Variants in SMG6 observed in about 807,000 individuals in gnomAD.
SMG6 encodes the protein telomerase-binding protein EST1A.
In SMG6, 66 loss-of-function variants were observed where a neutral mutation model predicts 142.2. That is an observed-to-expected ratio of 0.46 (90% CI 0.38 to 0.57). SMG6 has a LOEUF of 0.57. Among genes scored for constraint, SMG6 ranks in the 20% least tolerant of loss-of-function variants. The probability of loss-of-function intolerance (pLI) is 0.00; values close to 1 mark genes in which losing one functional copy is unlikely to be tolerated. For synonymous variants in SMG6, 779 were observed against 702.4 expected (o/e 1.11, Z -1.72); for missense variants, 1,793 against 1,832.0 (o/e 0.98, Z 0.39).
chr17:2,246,355 C>G (rs1313107232), intron 8 of SMG6, among the ~76,000 whole-genome samples: 1 of 152,208 alleles, frequency 6.6e-6, no homozygotes, highest in Non-Finnish European at 1.5e-5. Context: ...AGTCCAGTAT[C>G]GCTGGGCAGT....
Position 2,251,830 on chromosome 17 carries a change from A to T in SMG6, c.2662-7111T>A, listed in dbSNP as rs140124037. The stretch of plus-strand genomic sequence containing the variant: ...ATAAAGAAAAGAAGGGGCCAGGCAC[A>T]GTGGCTCATGCCTGTAATCCCAGCA... On this transcript the variant is annotated intron_variant, in intron 8 of 18. Transcript: ENST00000263073. Among the ~76,000 whole-genome samples, 404 of 152,064 alleles carry T rather than the reference A, an allele frequency of 2.7e-3. 1 individual carries two copies. Among genetic ancestry groups the T allele is most frequent in the African/African-American group, 8.7e-3 (362 of 41,484 alleles).
chr17:2,145,639 T>A (rs1597465713), intron 13 of SMG6, among the ~76,000 whole-genome samples: 4 of 35,352 alleles, frequency 1.1e-4, no homozygotes, highest in African/African-American at 1.7e-4. Flanking sequence ...AGGCTCCATC[T>A]CCCCAAAAAA....
intron 12 of SMG6, among the ~76,000 whole-genome samples, chr17:2,175,390 ACCCACGG>A (rs2071627132): frequency 6.6e-6 from 1 of 151,894 alleles, no homozygotes. Flanking sequence ...GCCGAAAATT[ACCCACGG>A]CTGCCACAGT....
chr17:2,201,261 A>C (rs759185865), intron 10 of SMG6, among the ~76,000 whole-genome samples: 1 of 152,208 alleles, frequency 6.6e-6, no homozygotes, highest in African/African-American at 2.4e-5. Context: ...AACATTACTA[A>C]TCATTAGGGA....
At chr17:2,122,607 A>G (rs551950842) in intron 13 of SMG6, 1 of 152,364 alleles carries the variant, frequency 6.6e-6, no homozygotes, top group South Asian at 2.1e-4. Context: ...ATGTAAATCT[A>G]GCTCTGGCAG....
intron 10 of SMG6, among the ~76,000 whole-genome samples, chr17:2,194,795 G>T (rs2072273178): frequency 6.6e-6 from 1 of 152,114 alleles, no homozygotes; most frequent in South Asian, 2.1e-4. Context: ...TGCTGGAGCA[G>T]GTCAAAGACT....
At chr17:2,137,964 G>C (rs1356741300) in intron 13 of SMG6, among the ~76,000 whole-genome samples, 2 of 152,084 alleles carry the variant, frequency 1.3e-5, no homozygotes, top group Admixed American at 1.3e-4. Flanking sequence ...CACCACACTA[G>C]ACACTTGGGG....
chr17:2,061,926 A>AGCAGCC, intron 18 of SMG6: 1 of 309,306 alleles, frequency 3.2e-6, no homozygotes, highest in Non-Finnish European at 6.3e-6. Context: ...AGGGAATAGA[A>AGCAGCC]GCAGCCCCTT....
chr17:2,128,308 C>A (rs1293745286), intron 13 of SMG6, among the ~76,000 whole-genome samples: 2 of 152,138 alleles, frequency 1.3e-5, no homozygotes, highest in Non-Finnish European at 2.9e-5. Context: ...GTATATTTTA[C>A]CACAATTAAA....
chr17:2,168,022 C>T (rs2071393405), intron 13 of SMG6, among the ~76,000 whole-genome samples: 1 of 152,028 alleles, frequency 6.6e-6, no homozygotes, highest in South Asian at 2.1e-4. Context: ...CGCTTGCCAC[C>T]ACACCTGGCT....
intron 5 of SMG6, 37 bp downstream of exon 5, chr17:2,292,834 A>T: frequency 6.4e-7 from 1 of 1,572,822 alleles, no homozygotes; most frequent in Non-Finnish European, 8.8e-7. Flanking sequence ...TTAGAGCCAC[A>T]TAGGGAAGAG....
intron 13 of SMG6, among the ~76,000 whole-genome samples, chr17:2,169,140 G>A (rs1449188146): frequency 1.3e-5 from 2 of 151,508 alleles, no homozygotes; most frequent in African/African-American, 4.8e-5. Context: ...TCATGGTGGC[G>A]TGCCTGTAAT....
chr17:2,193,972 A>G (rs903472202), intron 10 of SMG6, among the ~76,000 whole-genome samples: 1 of 152,202 alleles, frequency 6.6e-6, no homozygotes, highest in African/African-American at 2.4e-5. Context: ...CTGGGATTAG[A>G]GGCACGCACA....
At chr17:2,208,845 AAAT>A (rs1293267211) in intron 10 of SMG6, among the ~76,000 whole-genome samples, 1 of 152,198 alleles carries the variant, frequency 6.6e-6, no homozygotes, top group Non-Finnish European at 1.5e-5. Flanking sequence ...AAAACCACTA[AAAT>A]TATGGTACAC....
intron 9 of SMG6, among the ~76,000 whole-genome samples, chr17:2,240,392 T>C (rs187777876): frequency 1.8e-4 from 28 of 152,058 alleles, no homozygotes; most frequent in Admixed American, 1.7e-3. Flanking sequence ...TTTCTCAACC[T>C]CTTATTTTTA....
intron 8 of SMG6, among the ~76,000 whole-genome samples, chr17:2,269,212 T>C (rs1597749378): frequency 1.9e-4 from 16 of 84,564 alleles, no homozygotes; most frequent in East Asian, 3.2e-4. Context: ...AGAGCCAGAC[T>C]CCATCTCAAA....
chr17:2,061,378 T>G lies in SMG6; in HGVS notation c.*114A>C. The G allele has an allele frequency of 1.0e-5, 11 of 1,049,678 alleles. No homozygotes were observed. Among genetic ancestry groups the G allele is most frequent in the Non-Finnish European group, 1.4e-5 (10 of 732,530 alleles). The allele number at this position is 1,049,678 out of a possible 1,614,324, so 65.0% of individuals were successfully genotyped here. A position where few individuals can be genotyped will look rare whatever the true frequency, so the allele number is the denominator to read the frequency against. ...GTGGCGTGGGTTGGAAGAGGATGGT[T>G]TATTGTCTGGGTGGATTGGTGGCTC... On this transcript the variant is annotated 3_prime_UTR_variant, in exon 19 of 19. Transcript: ENST00000263073.
intron 12 of SMG6, among the ~76,000 whole-genome samples, chr17:2,177,415 A>T (rs947259510): frequency 6.6e-6 from 1 of 152,108 alleles, no homozygotes; most frequent in Non-Finnish European, 1.5e-5. Flanking sequence ...AAAAGAGTGG[A>T]GCACCAACGC....
intron 13 of SMG6, among the ~76,000 whole-genome samples, chr17:2,102,919 A>G (rs1567599879): frequency 6.6e-6 from 1 of 152,060 alleles, no homozygotes; most frequent in Non-Finnish European, 1.5e-5. Flanking sequence ...GGCTTATTTC[A>G]CTCAGCATAA....
Sources: allele counts gnomAD v4.1 joint callset (sites outside exome capture counted in the v4.1 genomes callset), GRCh38; gene constraint gnomAD v4.1.1; transcripts MANE v1.5; gene names NCBI Gene and HGNC (gene_info 2026-07-23, HGNC 2026-07-21).